Variants in GMDS observed in about 807,000 individuals in gnomAD.
GMDS encodes the protein GDP-mannose 4,6-dehydratase, also known as GDP-mannose 4,6 dehydratase.
GMDS carries 20 observed loss-of-function variants against 49.9 expected under a neutral mutation model. The observed-to-expected ratio is 0.40, with a 90% CI of 0.28 to 0.58. The LOEUF is 0.58. Among genes scored for constraint, GMDS ranks in the 20% least tolerant of loss-of-function variants. GMDS has a pLI of 0.42. For synonymous variants in GMDS, 177 were observed against 178.6 expected, an observed-to-expected ratio of 0.99 and a Z score of 0.07; for missense variants, 362 against 481.4, an observed-to-expected ratio of 0.75 and a Z score of 2.32.
At chr6:2,053,238 A>G (rs1372976865) in intron 4 of GMDS, among the ~76,000 whole-genome samples, 1 of 152,190 alleles carries the variant, frequency 6.6e-6, no homozygotes, top group Non-Finnish European at 1.5e-5. Context: ...TGGTAAATAT[A>G]TAACGATTTG....
intron 4 of GMDS, among the ~76,000 whole-genome samples, chr6:2,005,917 C>T (rs890891325): frequency 2.0e-5 from 3 of 152,168 alleles, no homozygotes; most frequent in Admixed American, 2.0e-4. Context: ...TCACTCGACA[C>T]CCTTGACACT....
At chr6:1,935,748 C>G (rs984075592) in intron 6 of GMDS, among the ~76,000 whole-genome samples, 1 of 152,150 alleles carries the variant, frequency 6.6e-6, no homozygotes, top group Non-Finnish European at 1.5e-5. Flanking sequence ...TTAGCCTAAA[C>G]ACTCGTTGGA....
chr6:1,835,632 C>A (rs1228555769), intron 7 of GMDS, among the ~76,000 whole-genome samples: 1 of 151,964 alleles, frequency 6.6e-6, no homozygotes, highest in Non-Finnish European at 1.5e-5. Flanking sequence ...TTTTGTATTT[C>A]TAATTCAAAA....
At chr6:2,159,653 G>C (rs1374985410) in intron 1 of GMDS, among the ~76,000 whole-genome samples, 2 of 150,784 alleles carry the variant, frequency 1.3e-5, no homozygotes, top group Admixed American at 1.3e-4. Flanking sequence ...CAAGTAACTG[G>C]GATTGCAGAC....
intron 5 of GMDS, among the ~76,000 whole-genome samples, chr6:1,960,567 G>A (rs1763884173): frequency 2.0e-5 from 3 of 152,264 alleles, no homozygotes; most frequent in South Asian, 2.1e-4. Context: ...ATTTCACCCC[G>A]AAGGCAATGG....
At chr6:1,840,729 G>A (rs1317652479) in intron 7 of GMDS, among the ~76,000 whole-genome samples, 3 of 152,170 alleles carry the variant, frequency 2.0e-5, no homozygotes, top group Non-Finnish European at 4.4e-5. Context: ...TAATCCAGAA[G>A]CCTGCTTTCT....
chr6:1,932,941 A>G (rs946447771), intron 6 of GMDS, among the ~76,000 whole-genome samples: 3 of 152,220 alleles, frequency 2.0e-5, no homozygotes, highest in Non-Finnish European at 4.4e-5. Context: ...CTTTTCTTAT[A>G]TTCATAGAAA....
intron 4 of GMDS, among the ~76,000 whole-genome samples, chr6:2,051,889 C>A (rs563139481): frequency 2.6e-5 from 4 of 151,892 alleles, no homozygotes; most frequent in African/African-American, 9.7e-5. Context: ...GAGGCCTAGG[C>A]GGGCAGATCA....
At chr6:2,037,055 T>C (rs981089031) in intron 4 of GMDS, among the ~76,000 whole-genome samples, 1 of 152,162 alleles carries the variant, frequency 6.6e-6, no homozygotes, top group Non-Finnish European at 1.5e-5. Context: ...GCATCATGAT[T>C]ATAAATGACA....
At chr6:1,872,376 T>G (rs1339885997) in intron 7 of GMDS, among the ~76,000 whole-genome samples, 1 of 152,232 alleles carries the variant, frequency 6.6e-6, no homozygotes, top group Non-Finnish European at 1.5e-5. Flanking sequence ...ATGTGCCCAA[T>G]AGCCAAGAAA....
chr6:1,761,150 A>T (rs1209313206), intron 7 of GMDS, among the ~76,000 whole-genome samples: 1 of 152,188 alleles, frequency 6.6e-6, no homozygotes, highest in Non-Finnish European at 1.5e-5. Flanking sequence ...GTGTTCTCCA[A>T]GATTCAGAAT....
intron 9 of GMDS, among the ~76,000 whole-genome samples, chr6:1,675,003 T>A (rs1764570233): frequency 6.6e-6 from 1 of 152,116 alleles, no homozygotes. Context: ...AATGATGCGA[T>A]CTCGGCTCAC....
intron 1 of GMDS, among the ~76,000 whole-genome samples, chr6:2,130,402 T>C (rs1434163848): frequency 6.6e-6 from 1 of 152,208 alleles, no homozygotes; most frequent in Non-Finnish European, 1.5e-5. Context: ...TCCAGCAACA[T>C]GATCAATAAC....
chr6:1,723,880 ATGGCTCTAGACCAT>A (rs755948132), intron 9 of GMDS, among the ~76,000 whole-genome samples: 16 of 152,132 alleles, frequency 1.1e-4, no homozygotes, highest in Non-Finnish European at 1.9e-4. Context: ...CTCATACCAA[ATGGCTCTAGACCAT>A]TGGCTCTTGG....
chr6:1,889,426 G>C (rs998400432), intron 7 of GMDS, among the ~76,000 whole-genome samples: 2 of 152,050 alleles, frequency 1.3e-5, no homozygotes, highest in South Asian at 4.1e-4. Context: ...CGTGCTCCCA[G>C]GTTCTGCATT....
intron 7 of GMDS, among the ~76,000 whole-genome samples, chr6:1,827,603 G>A (rs1771186040): frequency 6.6e-6 from 1 of 152,174 alleles, no homozygotes; most frequent in Non-Finnish European, 1.5e-5. Context: ...ACTTCCACTG[G>A]CTGAAGCAGC....
chr6:1,716,788 TC>T (rs1766191244), intron 9 of GMDS, among the ~76,000 whole-genome samples: 1 of 152,100 alleles, frequency 6.6e-6, no homozygotes, highest in Non-Finnish European at 1.5e-5. Context: ...TTACACCCCG[TC>T]CCCCAACTCT....
intron 7 of GMDS, among the ~76,000 whole-genome samples, chr6:1,754,836 T>A (rs934318783): frequency 6.6e-6 from 1 of 152,192 alleles, no homozygotes; most frequent in African/African-American, 2.4e-5. Context: ...CACCCCTTCA[T>A]GCTAAAAACT....
intron 4 of GMDS, among the ~76,000 whole-genome samples, chr6:2,081,610 T>C (rs536796109): frequency 6.6e-6 from 1 of 152,262 alleles, no homozygotes; most frequent in South Asian, 2.1e-4. Flanking sequence ...GTTTGCATTT[T>C]AGCAATAAGA....
Sources: allele counts gnomAD v4.1 joint callset (sites outside exome capture counted in the v4.1 genomes callset), GRCh38; gene constraint gnomAD v4.1.1; transcripts MANE v1.5; gene names NCBI Gene and HGNC (gene_info 2026-07-23, HGNC 2026-07-21).